SPTBN1: variants seen among roughly 807,000 people sequenced by gnomAD.
SPTBN1 encodes spectrin beta chain, non-erythrocytic 1.
Under a neutral mutation model 266.4 loss-of-function variants are expected in SPTBN1, and 32 were observed. That is an observed-to-expected ratio of 0.12 (90% CI 0.09 to 0.16). SPTBN1 has a LOEUF of 0.16. SPTBN1 is among the 10% of genes least tolerant of loss of function. The pLI is 1.00. For synonymous variants in SPTBN1, 1,336 were observed against 1,162.2 expected (o/e 1.15, Z -3.04); for missense variants, 2,296 against 3,067.1 (o/e 0.75, Z 5.94).
At chr2:54,488,327 G>A (rs1167730470) in intron 1 of SPTBN1, among the ~76,000 whole-genome samples, 1 of 152,146 alleles carries the variant, frequency 6.6e-6, no homozygotes, top group Non-Finnish European at 1.5e-5. Flanking sequence ...GTGGTAAGAC[G>A]AGACCAAGGA....
chr2:54,526,739 G>A (rs1670841049), intron 2 of SPTBN1, 173 bp downstream of exon 2: 4 of 767,142 alleles, frequency 5.2e-6, no homozygotes, highest in Non-Finnish European at 3.8e-6. Context: ...TTCCATATTT[G>A]GAGAGCTGTC....
intron 3 of SPTBN1, among the ~76,000 whole-genome samples, chr2:54,603,108 A>G (rs1262742249): frequency 6.6e-6 from 1 of 152,190 alleles, no homozygotes; most frequent in Non-Finnish European, 1.5e-5. Flanking sequence ...CCAGAGCCCT[A>G]GAGTTCAGAA....
Position 54,653,976 on chromosome 2 carries a change from G to A in SPTBN1, c.5822+123G>A, listed in dbSNP as rs1181798264. 1 of 1,425,104 alleles carries A rather than the reference G, an allele frequency of 7.0e-7. No homozygotes were observed. Among genetic ancestry groups the A allele is most frequent in the Non-Finnish European group, 9.4e-7 (1 of 1,067,810 alleles). 88.3% of individuals were successfully genotyped at this position (1,425,104 alleles called of 1,614,324 possible). ...CTGAGCGCTTCAAGGCCAGAGTGGG[G>A]GTGGGGCGGTGCTTGGAGTGCGGCA... is the stretch of plus-strand genomic sequence containing the variant. On this transcript the variant is annotated intron_variant, in intron 27 of 35. Coordinates refer to ENST00000356805, the MANE Select transcript of SPTBN1 (RefSeq NM_003128.3). The surrounding 1 kb of genome is among the most constrained non-coding windows in gnomAD (Gnocchi z 5.1).
At position 54,558,392 on chromosome 2, in the gene SPTBN1, G is replaced by A. The variant is rs1032918973; in HGVS notation, c.148+31826G>A. 4 of 1,010,450 alleles carry A rather than the reference G, an allele frequency of 4.0e-6. No homozygotes were observed. Among genetic ancestry groups the A allele is most frequent in the South Asian group, 4.2e-5 (1 of 23,634 alleles). The allele number at this position is 1,010,450 out of a possible 1,614,324, so 62.6% of individuals were successfully genotyped here. A position where few individuals can be genotyped will look rare whatever the true frequency, so the allele number is the denominator to read the frequency against. On this transcript the variant is annotated intron_variant, in intron 2 of 35. Coordinates refer to ENST00000356805, the MANE Select transcript of SPTBN1 (RefSeq NM_003128.3). This position sits in a 1 kb window ranked among gnomAD's most constrained non-coding sequence, Gnocchi z 4.6. ...GGCGGCCGCCGCGGGCAGCTGGGAGGAGGTGTGCGCGCTGCGCCCGCGAGC... is the reference window on the plus strand; with the variant it reads ...GGCGGCCGCCGCGGGCAGCTGGGAGAAGGTGTGCGCGCTGCGCCCGCGAGC...
intron 17 of SPTBN1, among the ~76,000 whole-genome samples, chr2:54,634,091 A>G (rs547637817): frequency 2.0e-4 from 30 of 152,082 alleles, no homozygotes; most frequent in Admixed American, 1.3e-3. Flanking sequence ...TGTAATATTA[A>G]CTCTGAGTAT....
At chr2:54,501,276 G>T (rs751814519) in intron 1 of SPTBN1, among the ~76,000 whole-genome samples, 2 of 152,042 alleles carry the variant, frequency 1.3e-5, no homozygotes, top group Non-Finnish European at 2.9e-5. Flanking sequence ...CTGCCTCTGG[G>T]GCTTTTTGGC....
chr2:54,475,070 G>A (rs1667755494), intron 1 of SPTBN1, among the ~76,000 whole-genome samples: 2 of 152,100 alleles, frequency 1.3e-5, no homozygotes, highest in Admixed American at 6.5e-5. Context: ...GCCGGGCGTG[G>A]TGGCACATGC....
At chr2:54,471,293 T>C (rs993008959) in intron 1 of SPTBN1, among the ~76,000 whole-genome samples, 1 of 152,202 alleles carries the variant, frequency 6.6e-6, no homozygotes, top group Non-Finnish European at 1.5e-5. Flanking sequence ...CATCTTTAGT[T>C]GATCTTGCTC....
chr2:54,546,182 C>A (rs923390270), intron 2 of SPTBN1, among the ~76,000 whole-genome samples: 2 of 152,132 alleles, frequency 1.3e-5, no homozygotes, highest in African/African-American at 4.8e-5. Flanking sequence ...ACTACAAGGA[C>A]AATTTTTTGA....
Position 54,670,263 on chromosome 2 carries a change from T to C in SPTBN1, c.*1694T>C, listed in dbSNP as rs557485005. On this transcript the variant is annotated 3_prime_UTR_variant, in exon 36 of 36. Coordinates refer to ENST00000356805, the MANE Select transcript of SPTBN1 (RefSeq NM_003128.3). ...GTTTGGCCCATGGGCCATAGTTTGCTGACTTCAGCATAGAGTCGTGGGTTA... is the reference window on the plus strand; with the variant it reads ...GTTTGGCCCATGGGCCATAGTTTGCCGACTTCAGCATAGAGTCGTGGGTTA... The C allele has an allele frequency of 1.9e-5, 3 of 155,726 alleles. No individual in the cohort carries two copies. The highest frequency in any genetic ancestry group is 4.2e-5 in the Non-Finnish European group (3 of 71,008). 9.6% of individuals were successfully genotyped at this position (155,726 alleles called of 1,614,324 possible).
intron 1 of SPTBN1, among the ~76,000 whole-genome samples, chr2:54,477,488 T>C: frequency 6.6e-6 from 1 of 152,158 alleles, no homozygotes. Flanking sequence ...TTTTCTGTTT[T>C]GTTTGCTTTT....
chr2:54,622,596 T>A, intron 9 of SPTBN1, 109 bp downstream of exon 9: 1 of 1,277,754 alleles, frequency 7.8e-7, no homozygotes, highest in Non-Finnish European at 1.1e-6. Context: ...TGAATGCCTT[T>A]CAGTAGTGTG....
chr2:54,670,754 G>C lies in SPTBN1; in HGVS notation c.*2185G>C, dbSNP rs1681657486. ...CATAATTTCAACAGTTCGCAGATCT[G>C]TAGTTATGAAGCCAGGGTTTGGTGG... is the stretch of plus-strand genomic sequence containing the variant. On this transcript the variant is annotated 3_prime_UTR_variant, in exon 36 of 36. Transcript: ENST00000356805. 2.5e-6 allele frequency: 1 copy of C among 398,588 alleles called. No homozygotes were observed. Among genetic ancestry groups the C allele is most frequent in the Admixed American group, 4.4e-5 (1 of 22,734 alleles). The allele number at this position is 398,588 out of a possible 1,614,324, so 24.7% of individuals were successfully genotyped here.
chr2:54,652,454 T>A (rs1474599305), intron 26 of SPTBN1: 1 of 152,248 alleles, frequency 6.6e-6, no homozygotes, highest in Admixed American at 6.5e-5. Flanking sequence ...AGTCTCCTGC[T>A]GGATGCACCA....
intron 18 of SPTBN1, among the ~76,000 whole-genome samples, chr2:54,642,326 A>G (rs1185572497): frequency 2.0e-5 from 3 of 152,104 alleles, no homozygotes; most frequent in Non-Finnish European, 2.9e-5. Context: ...TCTCAAAATC[A>G]AGTCCTGTGA....
At chr2:54,471,421 G>A (rs1458862451) in intron 1 of SPTBN1, among the ~76,000 whole-genome samples, 2 of 151,832 alleles carry the variant, frequency 1.3e-5, no homozygotes, top group Non-Finnish European at 2.9e-5. Context: ...TTTTTTGGCT[G>A]AGTGTGACTT....
At position 54,624,972 on chromosome 2, in the gene SPTBN1, T is replaced by C. The variant is rs114500368; in HGVS notation, c.1341+10T>C. 1.7e-5 allele frequency: 27 copies of C among 1,573,576 alleles called. No homozygotes were observed. In the African/African-American group the frequency reaches 3.6e-4, roughly 21 times the overall value. On this transcript the variant is annotated intron_variant, in intron 11 of 35. Transcript: ENST00000356805. ...GCGTCTGGTGTCTCAGGTTCTGCTC[T>C]TGACATTATTAAAAAGACTGTTGCT...
At chr2:54,567,044 A>G (rs1250221461) in intron 2 of SPTBN1, among the ~76,000 whole-genome samples, 4 of 152,234 alleles carry the variant, frequency 2.6e-5, no homozygotes, top group Non-Finnish European at 2.9e-5. Flanking sequence ...CCTGCTTTCC[A>G]GTGAGCAGCT....
chr2:54,525,238 C>T (rs779474934), intron 1 of SPTBN1, among the ~76,000 whole-genome samples: 2 of 152,080 alleles, frequency 1.3e-5, no homozygotes, highest in African/African-American at 4.8e-5. Context: ...GGTTGCCATA[C>T]ACTTACATCT....
Sources: allele counts gnomAD v4.1 joint callset (sites outside exome capture counted in the v4.1 genomes callset), GRCh38; gene constraint gnomAD v4.1.1; non-coding constraint Gnocchi (gnomAD v3.1); transcripts MANE v1.5; gene names NCBI Gene and HGNC (gene_info 2026-07-23, HGNC 2026-07-21).